Variants in KAZN observed in about 807,000 individuals in gnomAD.
KAZN encodes kazrin.
KAZN carries 40 observed loss-of-function variants against 87.4 expected under a neutral mutation model. The observed-to-expected ratio is 0.46, with a 90% CI of 0.36 to 0.60. KAZN has a LOEUF of 0.60. Ranked by LOEUF, KAZN falls within the 20% of genes least tolerant of loss-of-function variation. The pLI, the probability that KAZN is intolerant of heterozygous loss-of-function variation, is 0.00. For missense variants in KAZN, 898 were observed against 1,073.9 expected (o/e 0.84, Z 2.29); for synonymous variants, 466 against 458.3 (o/e 1.02, Z -0.22).
Position 15,094,056 on chromosome 1 carries a change from T to C in KAZN, c.1223-124T>C. 8 of 772,502 alleles carry C rather than the reference T, an allele frequency of 1.0e-5. No homozygotes were observed. Among genetic ancestry groups the C allele is most frequent in the Non-Finnish European group, 1.6e-5 (8 of 491,378 alleles). The allele number at this position is 772,502 out of a possible 1,614,324, so 47.9% of individuals were successfully genotyped here. A position where few individuals can be genotyped will look rare whatever the true frequency, so the allele number is the denominator to read the frequency against. On this transcript the variant is annotated intron_variant, in intron 8 of 14. Transcript: ENST00000376030. This position sits in a 1 kb window ranked among gnomAD's most constrained non-coding sequence, Gnocchi z 4.5. ...CAAAAACGCCAAAAGCCACTTTGAT[T>C]TTGAAGAGAATACATGGAGGGGAGG...
intron 1 of KAZN, among the ~76,000 whole-genome samples, chr1:14,035,328 A>G (rs1307572556): frequency 1.3e-5 from 2 of 152,158 alleles, no homozygotes; most frequent in Non-Finnish European, 2.9e-5. Context: ...ACAGGAAATA[A>G]CAGTGTTCCT....
intron 1 of KAZN, among the ~76,000 whole-genome samples, chr1:13,914,064 A>G (rs1639751689): frequency 6.6e-6 from 1 of 152,236 alleles, no homozygotes; most frequent in Admixed American, 6.5e-5. Context: ...TCGAGAACCA[A>G]TGTGCTAGGA....
At chr1:14,443,177 G>T (rs796428719) in intron 2 of KAZN, among the ~76,000 whole-genome samples, 36 of 152,304 alleles carry the variant, frequency 2.4e-4, no homozygotes, top group African/African-American at 8.7e-4. Context: ...TTAAAAGAAA[G>T]GTTTTATTTT....
chr1:15,041,323 T>TTTTTTCTC (rs1163169600), intron 3 of KAZN, among the ~76,000 whole-genome samples: 6 of 92,130 alleles, frequency 6.5e-5, no homozygotes, highest in Non-Finnish European at 1.1e-4. Context: ...ACTCTCCGCA[T>TTTTTTCTC]TTTTTTTCTT....
At chr1:14,916,143 A>G (rs988929938) in intron 1 of KAZN, among the ~76,000 whole-genome samples, 1 of 134,998 alleles carries the variant, frequency 7.4e-6, no homozygotes, top group Non-Finnish European at 1.6e-5. Flanking sequence ...CATTATTATT[A>G]TTATTTGTAG....
At chr1:14,038,946 A>G (rs1641680121) in intron 1 of KAZN, among the ~76,000 whole-genome samples, 1 of 152,134 alleles carries the variant, frequency 6.6e-6, no homozygotes, top group Non-Finnish European at 1.5e-5. Context: ...CAGGTGGATC[A>G]TGAGGTCAGG....
chr1:14,752,709 A>T (rs1003636573), intron 1 of KAZN, among the ~76,000 whole-genome samples: 4 of 152,068 alleles, frequency 2.6e-5, no homozygotes, highest in Admixed American at 2.6e-4. Flanking sequence ...ATACTATCAC[A>T]TTGGCAATTA....
intron 1 of KAZN, among the ~76,000 whole-genome samples, chr1:14,020,536 G>A (rs1383433660): frequency 6.6e-6 from 1 of 152,154 alleles, no homozygotes; most frequent in Non-Finnish European, 1.5e-5. Context: ...AATTCTTGCT[G>A]TAAAACTGTG....
intron 2 of KAZN, among the ~76,000 whole-genome samples, chr1:14,484,305 G>A (rs952729369): frequency 1.3e-5 from 2 of 152,086 alleles, no homozygotes; most frequent in Admixed American, 1.3e-4. Flanking sequence ...CGATAACAAT[G>A]TATTATATTC....
rs1007861027 is a variant in KAZN at position 13,939,596 on chromosome 1, G to A, written c.91+45840G>A. On this transcript the variant is annotated intron_variant, in intron 1 of 16. Transcript: ENST00000636203. ...CTCCAAACTCTTCCAATCTCTGCCC[G>A]TTACCCAGTTCCAAAGTCACTTCCA... is the stretch of plus-strand genomic sequence containing the variant. 4.6e-5 allele frequency among the ~76,000 whole-genome samples: 7 copies of A among 152,148 alleles called. No individual in the cohort carries two copies. The East Asian group carries it at 5.8e-4, about 13-fold the overall frequency.
At chr1:14,745,405 G>T (rs182981820) in intron 1 of KAZN, among the ~76,000 whole-genome samples, 27 of 152,282 alleles carry the variant, frequency 1.8e-4, no homozygotes, top group African/African-American at 6.0e-4. Context: ...ACAATCGTGG[G>T]CCTTTTTTCT....
intron 2 of KAZN, among the ~76,000 whole-genome samples, chr1:15,002,845 G>A (rs1027960986): frequency 1.5e-4 from 23 of 151,922 alleles, no homozygotes; most frequent in African/African-American, 5.1e-4. Context: ...GTATGGTGGT[G>A]GGCGCCTGTA....
At chr1:14,721,914 G>C (rs2100291597) in intron 1 of KAZN, among the ~76,000 whole-genome samples, 1 of 152,304 alleles carries the variant, frequency 6.6e-6, no homozygotes, top group African/African-American at 2.4e-5. Context: ...AGCACTTTGG[G>C]AGGCTGAGGC....
At chr1:14,427,553 ATAC>A (rs1665804351) in intron 2 of KAZN, among the ~76,000 whole-genome samples, 1 of 152,074 alleles carries the variant, frequency 6.6e-6, no homozygotes, top group African/African-American at 2.4e-5. Context: ...GTAGACATGT[ATAC>A]TAAATTAAAG....
intron 2 of KAZN, among the ~76,000 whole-genome samples, chr1:14,342,878 C>T (rs567527721): frequency 7.2e-5 from 11 of 152,216 alleles, no homozygotes; most frequent in African/African-American, 2.2e-4. Flanking sequence ...CAGTGGCTCA[C>T]GCCTGTAATC....
chr1:14,265,063 A>G, intron 2 of KAZN, among the ~76,000 whole-genome samples: 3 of 152,364 alleles, frequency 2.0e-5, no homozygotes, highest in Admixed American at 2.0e-4. Flanking sequence ...AGTCTTATTT[A>G]TATCAATAAT....
intron 8 of KAZN, among the ~76,000 whole-genome samples, chr1:15,074,103 C>T (rs1447518503): frequency 6.6e-6 from 1 of 152,246 alleles, no homozygotes; most frequent in African/African-American, 2.4e-5. Flanking sequence ...TGGTCTCCCT[C>T]TCTGGGCCTT....
chr1:13,908,729 T>C (rs1639537682), intron 1 of KAZN, among the ~76,000 whole-genome samples: 2 of 152,186 alleles, frequency 1.3e-5, no homozygotes, highest in Admixed American at 1.3e-4. Context: ...GGCCTGTACT[T>C]CCCTTTCAAG....
chr1:13,940,456 T>C lies in KAZN; in HGVS notation c.91+46700T>C, dbSNP rs577940830. ...TGCTCATAGTAGTCTCTGATGATCTTTTATCTTTCTGTGGTGTCAGTTGTA... is the reference window on the plus strand; with the variant it reads ...TGCTCATAGTAGTCTCTGATGATCTCTTATCTTTCTGTGGTGTCAGTTGTA... On this transcript the variant is annotated intron_variant, in intron 1 of 16. Transcript: ENST00000636203. Among the ~76,000 whole-genome samples, 8 of 152,368 alleles carry C rather than the reference T, an allele frequency of 5.3e-5. No homozygotes were observed. The East Asian group carries it at 1.3e-3, about 26-fold the overall frequency.
Sources: gnomAD v4.1 joint callset for allele counts (sites outside exome capture counted in the v4.1 genomes callset) on GRCh38, gnomAD v4.1.1 for gene constraint, Gnocchi (gnomAD v3.1) non-coding constraint, MANE v1.5 for transcripts, NCBI Gene and HGNC (gene_info 2026-07-23, HGNC 2026-07-21) for gene names.